C8orf89: variants seen among roughly 807,000 people sequenced by gnomAD.
C8orf89 encodes putative uncharacterized protein C8orf89.
Under a neutral mutation model 15.8 loss-of-function variants are expected in C8orf89, and 14 were observed. The observed-to-expected ratio is 0.89, with a 90% CI of 0.59 to 1.39. The LOEUF is 1.39. C8orf89 is among the 40% of genes most tolerant of loss of function. The probability of loss-of-function intolerance (pLI) is 0.00; values close to 1 mark genes in which losing one functional copy is unlikely to be tolerated. For synonymous variants in C8orf89, 55 were observed against 62.2 expected (o/e 0.88, Z 0.54); for missense variants, 181 against 184.5 (o/e 0.98, Z 0.11).
chr8:73,261,747 G>A (rs556471786), upstream of C8orf89, among the ~76,000 whole-genome samples: 32 of 152,154 alleles, frequency 2.1e-4, no homozygotes, highest in Non-Finnish European at 3.7e-4. Flanking sequence ...CAGGTGAAGA[G>A]CATTAGGAAA....
intron 1 of C8orf89, among the ~76,000 whole-genome samples, chr8:73,258,072 A>C (rs906848946): frequency 1.3e-5 from 2 of 152,186 alleles, no homozygotes; most frequent in African/African-American, 4.8e-5. Context: ...AACACATTCA[A>C]AGCCAAAGAG....
chr8:73,272,175 C>T, the C8orf89 span, among the ~76,000 whole-genome samples: 1 of 152,062 alleles, frequency 6.6e-6, no homozygotes, highest in African/African-American at 2.4e-5. Context: ...TTACCACTGG[C>T]AATTCAATTA....
chr8:73,246,238 T>C (rs1813119420), intron 3 of C8orf89, among the ~76,000 whole-genome samples: 1 of 152,204 alleles, frequency 6.6e-6, no homozygotes. Context: ...AAGACTTACT[T>C]TGTTGCAGAA....
the C8orf89 span, among the ~76,000 whole-genome samples, chr8:73,272,442 CT>C: frequency 3.0e-4 from 46 of 151,612 alleles, no homozygotes; most frequent in Non-Finnish European, 4.7e-4. Context: ...CCACTTAATT[CT>C]TTTTTTTAAT....
intron 2 of C8orf89, among the ~76,000 whole-genome samples, chr8:73,252,895 A>G (rs1452802968): frequency 6.6e-6 from 1 of 152,142 alleles, no homozygotes; most frequent in Non-Finnish European, 1.5e-5. Context: ...TAATCCCAGC[A>G]CTTTGGGAGG....
chr8:73,276,399 A>G, the C8orf89 span, among the ~76,000 whole-genome samples: 2 of 152,032 alleles, frequency 1.3e-5, no homozygotes, highest in Non-Finnish European at 2.9e-5. Flanking sequence ...CCTATTCTTG[A>G]ACGCCTGACC....
At chr8:73,258,974 A>T (rs1813468619) in intron 1 of C8orf89, among the ~76,000 whole-genome samples, 1 of 152,294 alleles carries the variant, frequency 6.6e-6, no homozygotes, top group Non-Finnish European at 1.5e-5. Flanking sequence ...AAAGATTTGG[A>T]TGTCTTAAAA....
At chr8:73,253,732 C>CTGTT (rs777209782) in intron 2 of C8orf89, among the ~76,000 whole-genome samples, 5,151 of 143,332 alleles carry the variant, frequency 0.036, 198 homozygotes, top group African/African-American at 0.086. Context: ...ATTTGGCTCT[C>CTGTT]TGTCTGTTAT....
At position 73,250,216 on chromosome 8, in the gene C8orf89, A is replaced by G. The variant is rs112875216; in HGVS notation, c.337+52T>C. On this transcript the variant is annotated intron_variant, in intron 3 of 3. Transcript: ENST00000624510. ...AAAGGAATTTTTTTTAAAAAAAGAT[A>G]AGGTATATGACACCCAAGAGAGGTA... 1.9e-3 allele frequency: 2,059 copies of G among 1,101,726 alleles called. 34 individuals carry two copies. The African/African-American group carries it at 0.027, about 15-fold the overall frequency. 68.2% of individuals were successfully genotyped at this position (1,101,726 alleles called of 1,614,324 possible).
At chr8:73,282,294 C>A in the C8orf89 span, among the ~76,000 whole-genome samples, 1 of 151,964 alleles carries the variant, frequency 6.6e-6, no homozygotes, top group Non-Finnish European at 1.5e-5. Context: ...TAATACAAAG[C>A]GGTGTGTATA....
At chr8:73,256,912 A>C in intron 2 of C8orf89, 61 bp downstream of exon 2, 1 of 1,236,614 alleles carries the variant, frequency 8.1e-7, no homozygotes, top group Non-Finnish European at 1.1e-6. Context: ...AAACCTCTAC[A>C]TTCAGCAGTA....
At chr8:73,256,556 C>T (rs547399219) in intron 2 of C8orf89, among the ~76,000 whole-genome samples, 3 of 151,552 alleles carry the variant, frequency 2.0e-5, no homozygotes, top group Non-Finnish European at 2.9e-5. Context: ...GGTGAAACTC[C>T]GTCTCTACTA....
At chr8:73,285,444 G>A in the C8orf89 span, among the ~76,000 whole-genome samples, 4 of 152,150 alleles carry the variant, frequency 2.6e-5, no homozygotes, top group Admixed American at 2.6e-4. Context: ...GAGCATCCTC[G>A]GAGTGACCCA....
chr8:73,271,941 C>T, the C8orf89 span, among the ~76,000 whole-genome samples: 5 of 152,176 alleles, frequency 3.3e-5, no homozygotes, highest in Non-Finnish European at 7.3e-5. Flanking sequence ...TAGTACACTG[C>T]TTTAATTCTC....
rs1036120619 is a variant in C8orf89, at chr8:73,244,933, G to A, written c.338-3328C>T. 3.3e-5 allele frequency among the ~76,000 whole-genome samples: 5 copies of A among 152,148 alleles called. 1 individual carries two copies. The highest frequency in any genetic ancestry group is 7.4e-5 in the Non-Finnish European group (5 of 68,020). On this transcript the variant is annotated intron_variant, in intron 3 of 3. Coordinates refer to ENST00000624510, the MANE Select transcript of C8orf89 (RefSeq NM_001243237.3). Reference sequence around the variant, plus strand: ...TACACATGTATTAGTCCATTTTTATGCTGCTGATAAGGACATAACTGAAAC... The same window carrying A: ...TACACATGTATTAGTCCATTTTTATACTGCTGATAAGGACATAACTGAAAC...
chr8:73,279,557 G>A, the C8orf89 span, among the ~76,000 whole-genome samples: 1 of 152,176 alleles, frequency 6.6e-6, no homozygotes, highest in Non-Finnish European at 1.5e-5. Flanking sequence ...TAGGGTCAAA[G>A]GGTTCTTGTG....
the C8orf89 span, among the ~76,000 whole-genome samples, chr8:73,279,237 T>C: frequency 6.6e-6 from 1 of 152,234 alleles, no homozygotes; most frequent in African/African-American, 2.4e-5. Flanking sequence ...AACTCATCTA[T>C]AGAGAGATCG....
chr8:73,262,992 C>A (rs1813557263), upstream of C8orf89, among the ~76,000 whole-genome samples: 2 of 151,832 alleles, frequency 1.3e-5, no homozygotes, highest in Non-Finnish European at 2.9e-5. Flanking sequence ...CTTTACAGAA[C>A]TAATAAAAAG....
intron 2 of C8orf89, among the ~76,000 whole-genome samples, chr8:73,254,879 A>G (rs1216082909): frequency 6.6e-6 from 1 of 152,232 alleles, no homozygotes; most frequent in Non-Finnish European, 1.5e-5. Context: ...AGGATTCCCT[A>G]TTTAATAAAT....
Sources: gnomAD v4.1 joint callset for allele counts (sites outside exome capture counted in the v4.1 genomes callset) on GRCh38, gnomAD v4.1.1 for gene constraint, MANE v1.5 for transcripts, NCBI Gene and HGNC (gene_info 2026-07-23, HGNC 2026-07-21) for gene names.